ATG13: variants seen among roughly 807,000 people sequenced by gnomAD.
The protein encoded by ATG13 is autophagy-related protein 13.
ATG13 carries 23 observed loss-of-function variants against 65.5 expected under a neutral mutation model. That is an observed-to-expected ratio of 0.35 (90% CI 0.25 to 0.50). The LOEUF (loss-of-function observed/expected upper bound fraction) is 0.50, where lower values mean the gene tolerates loss of function less well. ATG13 is among the 20% of genes least tolerant of loss of function. The probability of loss-of-function intolerance (pLI) is 0.98; values close to 1 mark genes in which losing one functional copy is unlikely to be tolerated. For synonymous variants in ATG13, 252 were observed against 245.2 expected (o/e 1.03, Z -0.26); for missense variants, 566 against 677.0 (o/e 0.84, Z 1.82).
At chr11:46,654,888 C>T (rs1232552704) in intron 7 of ATG13, among the ~76,000 whole-genome samples, 4 of 149,942 alleles carry the variant, frequency 2.7e-5, no homozygotes, top group Non-Finnish European at 5.9e-5. Context: ...CACTTGAGCT[C>T]AGGAGTTCAA....
chr11:46,626,256 CTT>C (rs778300461), intron 1 of ATG13, among the ~76,000 whole-genome samples: 2 of 151,474 alleles, frequency 1.3e-5, no homozygotes, highest in Non-Finnish European at 2.9e-5. Context: ...CACTTGGCCT[CTT>C]TTGTTTTTTG....
At chr11:46,642,927 A>G (rs1221800120) in intron 2 of ATG13, among the ~76,000 whole-genome samples, 1 of 152,220 alleles carries the variant, frequency 6.6e-6, no homozygotes, top group African/African-American at 2.4e-5. Flanking sequence ...CCTGTGAACA[A>G]AAGTTCTCTG....
At chr11:46,665,353 T>A in intron 13 of ATG13, 30 bp from the exon 14 acceptor site, 1 of 1,607,126 alleles carries the variant, frequency 6.2e-7, no homozygotes, top group Non-Finnish European at 8.5e-7. Flanking sequence ...CATGCCATGA[T>A]TCACTGTCTC....
intron 15 of ATG13, 31 bp from the exon 16 acceptor site, chr11:46,668,468 G>A (rs776587034): frequency 4.4e-6 from 7 of 1,601,188 alleles, no homozygotes; most frequent in Non-Finnish European, 6.0e-6. Context: ...GGAGGGGCAG[G>A]CATGAATGCT....
chr11:46,654,287 A>G lies in ATG13; in HGVS notation c.459-1946A>G, dbSNP rs1296626814. On this transcript the variant is annotated intron_variant, in intron 7 of 18. Coordinates refer to ENST00000683050, the MANE Select transcript of ATG13 (RefSeq NM_001346311.2). ...ATCACTACTATTTTTAAAATTTTAT[A>G]TATATATATATATATATATATATGT... 2.1e-5 allele frequency among the ~76,000 whole-genome samples: 3 copies of G among 141,286 alleles called. No homozygotes were observed. In the East Asian group the frequency reaches 6.0e-4, roughly 28 times the overall value. 92.7% of individuals were successfully genotyped at this position (141,286 alleles called of 152,430 possible). A position where few individuals can be genotyped will look rare whatever the true frequency, so the allele number is the denominator to read the frequency against.
Position 46,672,715 on chromosome 11 carries a change from C to CA in ATG13, c.*383_*384insA, listed in dbSNP as rs1565651673. 9.6e-6 allele frequency: 13 copies of CA among 1,360,810 alleles called. No individual in the cohort carries two copies. Among genetic ancestry groups the CA allele is most frequent in the African/African-American group, 1.5e-5 (1 of 68,134 alleles). The allele number at this position is 1,360,810 out of a possible 1,614,324, so 84.3% of individuals were successfully genotyped here. A position where few individuals can be genotyped will look rare whatever the true frequency, so the allele number is the denominator to read the frequency against. On this transcript the variant is annotated 3_prime_UTR_variant, in exon 19 of 19. Coordinates refer to ENST00000683050, the MANE Select transcript of ATG13 (RefSeq NM_001346311.2). ...CTGGCCCCTTCCCTGCCTGCTGTCACCATCCACTGTTTGACATTCCAGCTG... is the reference window on the plus strand; with the variant it reads ...CTGGCCCCTTCCCTGCCTGCTGTCACACATCCACTGTTTGACATTCCAGCTG...
chr11:46,637,730 A>T (rs993553848), intron 2 of ATG13, among the ~76,000 whole-genome samples: 1 of 152,206 alleles, frequency 6.6e-6, no homozygotes, highest in African/African-American at 2.4e-5. Context: ...TATCATTTGC[A>T]TTTGGCAGAG....
At chr11:46,657,413 A>G (rs1429608146) in intron 9 of ATG13, 111 bp from the exon 10 acceptor site, 1 of 1,124,474 alleles carries the variant, frequency 8.9e-7, no homozygotes, top group Non-Finnish European at 1.3e-6. Flanking sequence ...TGTGATAGTT[A>G]AAGCTCTGGT....
chr11:46,642,691 A>T (rs1404175301), intron 2 of ATG13, among the ~76,000 whole-genome samples: 3 of 152,076 alleles, frequency 2.0e-5, no homozygotes, highest in African/African-American at 7.2e-5. Context: ...CAAGGACCTA[A>T]CTGATTTCCC....
rs1591911214 is a variant in ATG13, at chr11:46,650,031, A to G, written c.318-146A>G. Reference sequence around the variant, plus strand: ...GCCTGTGTCTAGTACATGAGAAAGTAAAACATTGGCTTACCTCAGTAATCT... The same window carrying G: ...GCCTGTGTCTAGTACATGAGAAAGTGAAACATTGGCTTACCTCAGTAATCT... On this transcript the variant is annotated intron_variant, in intron 6 of 18. Transcript: ENST00000683050. 26 of 852,030 alleles carry G rather than the reference A, an allele frequency of 3.1e-5. No individual in the cohort carries two copies. In the East Asian group the frequency reaches 6.7e-4, roughly 22 times the overall value. 52.8% of individuals were successfully genotyped at this position (852,030 alleles called of 1,614,324 possible).
intron 1 of ATG13, among the ~76,000 whole-genome samples, chr11:46,619,916 C>T (rs1172801947): frequency 6.6e-6 from 1 of 150,608 alleles, no homozygotes; most frequent in Non-Finnish European, 1.5e-5. Flanking sequence ...GTAATCCCAC[C>T]TACTCGGGTG....
chr11:46,656,268 G>C lies in ATG13; in HGVS notation c.494G>C (p.Gly165Ala). 2 of 1,612,240 alleles carry C rather than the reference G, an allele frequency of 1.2e-6. No individual in the cohort carries two copies. Among genetic ancestry groups the C allele is most frequent in the Non-Finnish European group, 1.7e-6 (2 of 1,178,320 alleles). The stretch of plus-strand genomic sequence containing the variant: ...GGAGAAGTTCAGCTGAGTGGCTTAG[G>C]AGAAGGTATGTATCAACGGTTGAAA... ...YFGEVQLSGL[G>A]EGFQTVRVGT... is the part of the protein sequence containing the mutation. Residue 165 changes from glycine to alanine, a missense_variant, in exon 8 of 19, where the codon GGA becomes GCA. Coordinates refer to ENST00000683050, the MANE Select transcript of ATG13 (RefSeq NM_001346311.2).
At chr11:46,624,037 C>T (rs568918603) in intron 1 of ATG13, among the ~76,000 whole-genome samples, 18 of 146,916 alleles carry the variant, frequency 1.2e-4, no homozygotes, top group Admixed American at 3.4e-4. Context: ...GATGGAGTCT[C>T]GCTGTCACCC....
chr11:46,657,499 C>G (rs370111667), intron 9 of ATG13, 25 bp from the exon 10 acceptor site: 53 of 1,600,070 alleles, frequency 3.3e-5, no homozygotes, highest in African/African-American at 2.4e-4. Context: ...CTAACAAATA[C>G]TGGAATCTGC....
intron 7 of ATG13, among the ~76,000 whole-genome samples, chr11:46,655,629 TG>T (rs1398048381): frequency 6.6e-6 from 1 of 152,232 alleles, no homozygotes; most frequent in East Asian, 1.9e-4. Context: ...CTAGACCTGT[TG>T]GCCACTTTTA....
intron 2 of ATG13, 57 bp downstream of exon 2, chr11:46,630,157 T>C (rs2051189996): frequency 6.6e-6 from 1 of 152,116 alleles, no homozygotes; most frequent in Admixed American, 6.6e-5. Flanking sequence ...AGTAAAGGAA[T>C]AAAATGGATG....
intron 1 of ATG13, chr11:46,618,176 T>C (rs1274621388): frequency 1.8e-5 from 6 of 329,144 alleles, no homozygotes; most frequent in Non-Finnish European, 3.3e-5. Context: ...GGGCCATAAC[T>C]CCGGGGTTGG....
At chr11:46,654,675 T>A (rs1007947187) in intron 7 of ATG13, among the ~76,000 whole-genome samples, 5 of 151,698 alleles carry the variant, frequency 3.3e-5, no homozygotes, top group Non-Finnish European at 5.9e-5. Context: ...TGGGCAGTGG[T>A]CATACCACTG....
chr11:46,668,308 T>C (rs1020605748), intron 15 of ATG13, among the ~76,000 whole-genome samples, 191 bp from the exon 16 acceptor site: 1 of 152,100 alleles, frequency 6.6e-6, no homozygotes, highest in Non-Finnish European at 1.5e-5. Flanking sequence ...GTTTATGCTG[T>C]GGGTGTATGT....
Sources: gnomAD v4.1 joint callset for allele counts (sites outside exome capture counted in the v4.1 genomes callset) on GRCh38, gnomAD v4.1.1 for gene constraint, MANE v1.5 for transcripts, NCBI Gene and HGNC (gene_info 2026-07-23, HGNC 2026-07-21) for gene names.